The following POMP variants were observed in gnomAD, a reference collection of about 807,000 sequenced individuals.
POMP encodes the protein 2510048O06Rik.
POMP carries 12 observed loss-of-function variants against 20.6 expected under a neutral mutation model. The observed-to-expected ratio is 0.58, with a 90% CI of 0.37 to 0.94. POMP has a LOEUF of 0.94. POMP is among the 40% of genes least tolerant of loss of function. POMP has a pLI of 0.01. For synonymous variants in POMP, 53 were observed against 55.0 expected (o/e 0.96, Z 0.16); for missense variants, 136 against 161.1 (o/e 0.84, Z 0.84).
intron 3 of POMP, among the ~76,000 whole-genome samples, chr13:28,667,467 A>G (rs1055665330): frequency 6.6e-6 from 1 of 152,228 alleles, no homozygotes; most frequent in African/African-American, 2.4e-5. Flanking sequence ...ACTTCAGATC[A>G]TATACCCATA....
chr13:28,665,329 TTTC>T (rs1266266148), intron 3 of POMP, among the ~76,000 whole-genome samples: 13 of 152,340 alleles, frequency 8.5e-5, no homozygotes, highest in African/African-American at 2.9e-4. Context: ...TGTTTGTTTG[TTTC>T]GCTTTCTAAT....
intron 2 of POMP, among the ~76,000 whole-genome samples, chr13:28,662,934 T>G (rs1884372431): frequency 1.3e-5 from 2 of 152,238 alleles, no homozygotes; most frequent in Non-Finnish European, 2.9e-5. Context: ...TGTGTGCCTT[T>G]GGACAAATCA....
At chr13:28,668,994 T>TGA (rs1330034329) in intron 4 of POMP, among the ~76,000 whole-genome samples, 1 of 152,106 alleles carries the variant, frequency 6.6e-6, no homozygotes, top group East Asian at 1.9e-4. Flanking sequence ...TCTATCCTGT[T>TGA]ACATTACTTC....
chr13:28,672,435 AAGTGTCATTCAGCACCTTTTTATGG>A lies in POMP; in HGVS notation c.358+6_358+30del. On this transcript the variant is annotated splice_donor_5th_base_variant and intron_variant, in intron 5 of 5. Coordinates refer to ENST00000380842, the MANE Select transcript of POMP (RefSeq NM_015932.6). ...TGGATTTGAGGATATTCTTAATGGT[AAGTGTCATTCAGCACCTTTTTATGG>A]AGCCCTTGTAATTTAAAAGGCAAAC... is the stretch of plus-strand genomic sequence containing the variant. The A allele has an allele frequency of 6.3e-7, 1 of 1,579,706 alleles. No homozygotes were observed. The highest frequency in any genetic ancestry group is 1.1e-5 in the South Asian group (1 of 90,326).
intron 3 of POMP, among the ~76,000 whole-genome samples, chr13:28,665,276 C>T (rs1884421905): frequency 6.6e-6 from 1 of 152,140 alleles, no homozygotes; most frequent in Admixed American, 6.5e-5. Context: ...GAAGATGATG[C>T]AGTTGTTAGG....
rs1884482575 is a variant in POMP, at chr13:28,668,346, T to C, written c.163-127T>C. On this transcript the variant is annotated intron_variant, in intron 3 of 5. Transcript: ENST00000380842. ...GTCAGAAAAAATTAGTAAAAATACTTAGTTTTTATTACAGGTATGGATATT... is the reference window on the plus strand; with the variant it reads ...GTCAGAAAAAATTAGTAAAAATACTCAGTTTTTATTACAGGTATGGATATT... The C allele has an allele frequency of 3.7e-5, 25 of 676,318 alleles. No homozygotes were observed. In the South Asian group the frequency reaches 4.3e-4, roughly 12 times the overall value. The allele number at this position is 676,318 out of a possible 1,614,324, so 41.9% of individuals were successfully genotyped here. A position where few individuals can be genotyped will look rare whatever the true frequency, so the allele number is the denominator to read the frequency against.
chr13:28,667,921 T>G (rs952226779), intron 3 of POMP, among the ~76,000 whole-genome samples: 1 of 152,232 alleles, frequency 6.6e-6, no homozygotes, highest in African/African-American at 2.4e-5. Context: ...AATTGCTGAT[T>G]AGTACCCAAT....
At chr13:28,661,057 G>A (rs1002418955) in intron 1 of POMP, among the ~76,000 whole-genome samples, 43 of 152,150 alleles carry the variant, frequency 2.8e-4, no homozygotes, top group Admixed American at 2.7e-3. Context: ...TGACTTCTCA[G>A]AATATTTTCT....
Position 28,678,431 on chromosome 13 carries a change from G to C in POMP, c.*329G>C, listed in dbSNP as rs541419584. 1.1e-4 allele frequency: 32 copies of C among 286,604 alleles called. No homozygotes were observed. Among genetic ancestry groups the C allele is most frequent in the African/African-American group, 5.5e-4 (25 of 45,184 alleles). 17.8% of individuals were successfully genotyped at this position (286,604 alleles called of 1,614,324 possible). A position where few individuals can be genotyped will look rare whatever the true frequency, so the allele number is the denominator to read the frequency against. On this transcript the variant is annotated 3_prime_UTR_variant, in exon 6 of 6. Transcript: ENST00000380842. ...TTTTTGTAAATTTAGTTTTGATTAA[G>C]CATTATAAGCATTTGAGTCTATAAA...
At chr13:28,677,808 A>G (rs979638983) in intron 5 of POMP, among the ~76,000 whole-genome samples, 1 of 152,206 alleles carries the variant, frequency 6.6e-6, no homozygotes, top group Non-Finnish European at 1.5e-5. Context: ...TTTAATTAAC[A>G]TGGAACCTGG....
intron 3 of POMP, among the ~76,000 whole-genome samples, chr13:28,667,074 C>A (rs1357643062): frequency 5.9e-5 from 9 of 152,184 alleles, no homozygotes; most frequent in Non-Finnish European, 1.3e-4. Context: ...GGATTATAAT[C>A]TCCAAGGTAG....
chr13:28,663,972 A>G (rs1023593641), intron 2 of POMP, among the ~76,000 whole-genome samples: 7 of 152,082 alleles, frequency 4.6e-5, no homozygotes, highest in African/African-American at 1.7e-4. Flanking sequence ...TAAGGTAGTC[A>G]TCTTTATATA....
At chr13:28,667,578 T>C (rs890362173) in intron 3 of POMP, among the ~76,000 whole-genome samples, 1 of 152,228 alleles carries the variant, frequency 6.6e-6, no homozygotes, top group African/African-American at 2.4e-5. Context: ...ACTTTCAAAC[T>C]TCATAGTCAT....
intron 5 of POMP, among the ~76,000 whole-genome samples, chr13:28,672,750 A>T (rs1884571732): frequency 6.6e-6 from 1 of 152,176 alleles, no homozygotes; most frequent in Admixed American, 6.5e-5. Flanking sequence ...TATAAAAAGA[A>T]AAAAAGTGAA....
chr13:28,662,551 AATTTTCACAATAT>A (rs748299512), intron 2 of POMP, 44 bp downstream of exon 2: 29 of 1,444,644 alleles, frequency 2.0e-5, no homozygotes, highest in Non-Finnish European at 2.7e-5. Context: ...TGTTTCTGTG[AATTTTCACAATAT>A]TCTTTAAGTA....
chr13:28,671,523 C>T (rs1884545622), intron 4 of POMP, among the ~76,000 whole-genome samples: 1 of 151,400 alleles, frequency 6.6e-6, no homozygotes, highest in South Asian at 2.1e-4. Context: ...GCCTGCTCCT[C>T]CCTGCTTTTG....
chr13:28,674,297 A>G (rs1884595196), intron 5 of POMP, among the ~76,000 whole-genome samples: 1 of 152,348 alleles, frequency 6.6e-6, no homozygotes, highest in African/African-American at 2.4e-5. Context: ...CCTATGGGGC[A>G]GCTAAGAAGA....
chr13:28,663,367 A>G lies in POMP; in HGVS notation c.101+860A>G, dbSNP rs933032437. The stretch of plus-strand genomic sequence containing the variant: ...CTCTTGTTGCCCAGGCTGGAGTGCA[A>G]TGGCGCGATCTCCCCTCATCGCAGC... On this transcript the variant is annotated intron_variant, in intron 2 of 5. Transcript: ENST00000380842. Among the ~76,000 whole-genome samples the G allele has an allele frequency of 2.0e-5, 3 of 151,994 alleles. 1 individual carries two copies. Among genetic ancestry groups the G allele is most frequent in the South Asian group, 4.1e-4 (2 of 4,828 alleles).
At chr13:28,673,314 C>T (rs564379880) in intron 5 of POMP, among the ~76,000 whole-genome samples, 1 of 152,272 alleles carries the variant, frequency 6.6e-6, no homozygotes. Context: ...TGTGATCTGC[C>T]CGCCTCGGCC....
Sources: gnomAD v4.1 joint callset for allele counts (sites outside exome capture counted in the v4.1 genomes callset) on GRCh38, gnomAD v4.1.1 for gene constraint, MANE v1.5 for transcripts, NCBI Gene and HGNC (gene_info 2026-07-23, HGNC 2026-07-21) for gene names.